Variants in TASP1 observed in about 807,000 individuals in gnomAD.
TASP1 encodes taspase 1.
In TASP1, 16 loss-of-function variants were observed where a neutral mutation model predicts 56.6. The observed-to-expected ratio is 0.28, with a 90% CI of 0.19 to 0.43. The LOEUF (loss-of-function observed/expected upper bound fraction) is 0.43, where lower values mean the gene tolerates loss of function less well. TASP1 is among the 20% of genes least tolerant of loss of function. The pLI, the probability that TASP1 is intolerant of heterozygous loss-of-function variation, is 1.00. For synonymous variants in TASP1, 179 were observed against 184.2 expected (o/e 0.97, Z 0.23); for missense variants, 393 against 511.6 (o/e 0.77, Z 2.24).
chr20:13,155,704 T>G, the TASP1 span, among the ~76,000 whole-genome samples: 5,845 of 152,152 alleles, frequency 0.038, 163 homozygotes, highest in African/African-American at 0.081. Flanking sequence ...TGGGTGCCTG[T>G]AGTCCCAGCT....
At chr20:13,525,750 A>G (rs746255353) in intron 10 of TASP1, among the ~76,000 whole-genome samples, 3 of 152,256 alleles carry the variant, frequency 2.0e-5, no homozygotes, top group Non-Finnish European at 4.4e-5. Context: ...TCCATTGTCA[A>G]CTTCATAGCA....
the TASP1 span, among the ~76,000 whole-genome samples, chr20:13,131,231 T>A: frequency 6.6e-6 from 1 of 152,188 alleles, no homozygotes; most frequent in Non-Finnish European, 1.5e-5. Context: ...CCAGTCTTGA[T>A]CTTACCTTAC....
intron 12 of TASP1, among the ~76,000 whole-genome samples, chr20:13,421,108 CT>C (rs34805037): frequency 0.56 from 68,877 of 123,400 alleles, 20,123 homozygotes; most frequent in Non-Finnish European, 0.67. Flanking sequence ...CGTTTTCCTT[CT>C]TTTTTTTTTT....
chr20:13,519,666 T>C (rs1395631806), intron 10 of TASP1, among the ~76,000 whole-genome samples: 2 of 152,090 alleles, frequency 1.3e-5, no homozygotes, highest in East Asian at 1.9e-4. Flanking sequence ...GCCAATATCG[T>C]ACTGAATGGG....
chr20:13,221,257 TC>T, the TASP1 span, among the ~76,000 whole-genome samples: 68 of 117,454 alleles, frequency 5.8e-4, 2 homozygotes, highest in African/African-American at 2.1e-3. Flanking sequence ...CTCCTCCTCC[TC>T]CTCCTTCTCC....
At chr20:13,290,588 G>A in the TASP1 span, among the ~76,000 whole-genome samples, 5 of 152,192 alleles carry the variant, frequency 3.3e-5, no homozygotes, top group Non-Finnish European at 5.9e-5. Flanking sequence ...GGCGGAGCTT[G>A]CAGTGAGCCA....
chr20:13,502,892 G>T (rs77592455), intron 10 of TASP1, among the ~76,000 whole-genome samples: 1,560 of 152,270 alleles, frequency 0.01, 28 homozygotes, highest in African/African-American at 0.035. Flanking sequence ...CTAAGAAGAG[G>T]ATGGGTAAGA....
the TASP1 span, among the ~76,000 whole-genome samples, chr20:13,190,785 G>A: frequency 6.6e-6 from 1 of 151,784 alleles, no homozygotes; most frequent in African/African-American, 2.4e-5. Flanking sequence ...CAACCAACAG[G>A]GTGAAGCTAC....
At chr20:13,110,283 G>GTGAGC in the TASP1 span, 1 of 1,353,812 alleles carries the variant, frequency 7.4e-7, no homozygotes, top group Non-Finnish European at 1.0e-6. Context: ...GTGCGGAAAG[G>GTGAGC]CTCACCTTTC....
the TASP1 span, chr20:13,167,820 T>G: frequency 1.3e-5 from 2 of 152,224 alleles, no homozygotes; most frequent in East Asian, 3.9e-4. Context: ...CCCAGGAATC[T>G]ACATTTTTAA....
chr20:13,234,038 G>A, the TASP1 span, among the ~76,000 whole-genome samples: 1 of 152,162 alleles, frequency 6.6e-6, no homozygotes, highest in Admixed American at 6.5e-5. Context: ...GTGTAGTAGT[G>A]AAGTCTGGGC....
the TASP1 span, among the ~76,000 whole-genome samples, chr20:13,276,380 C>T: frequency 6.6e-5 from 10 of 152,296 alleles, no homozygotes; most frequent in African/African-American, 2.4e-4. Context: ...GAGTTTGCTT[C>T]TAGTCAATGT....
chr20:13,380,424 T>C, the TASP1 span, among the ~76,000 whole-genome samples: 1 of 152,212 alleles, frequency 6.6e-6, no homozygotes, highest in South Asian at 2.1e-4. Flanking sequence ...CAGCAAAGAC[T>C]ACAGCCTGTT....
intron 7 of TASP1, among the ~76,000 whole-genome samples, chr20:13,564,766 C>T (rs6134912): frequency 1.3e-5 from 2 of 151,572 alleles, no homozygotes; most frequent in East Asian, 3.9e-4. Context: ...CTTTGGAGGC[C>T]GAGGCAGGCA....
At chr20:13,620,109 G>A (rs1410993114) in intron 4 of TASP1, among the ~76,000 whole-genome samples, 3 of 151,976 alleles carry the variant, frequency 2.0e-5, no homozygotes, top group Non-Finnish European at 4.4e-5. Context: ...TCATTCTGGT[G>A]TCCAGAAGTG....
the TASP1 span, among the ~76,000 whole-genome samples, chr20:13,274,473 C>A: frequency 6.6e-6 from 1 of 152,154 alleles, no homozygotes; most frequent in Non-Finnish European, 1.5e-5. Context: ...TGCCTTTGCC[C>A]CCATCTGGTT....
the TASP1 span, chr20:13,126,524 A>G: frequency 6.3e-7 from 1 of 1,581,032 alleles, no homozygotes. Context: ...ATGGGACTAG[A>G]TGTAATTCCC....
At chr20:13,311,119 G>T in the TASP1 span, among the ~76,000 whole-genome samples, 1 of 151,974 alleles carries the variant, frequency 6.6e-6, no homozygotes, top group South Asian at 2.1e-4. Context: ...ACTTGAACCC[G>T]GGAAGCGGAG....
chr20:13,568,641 T>C (rs1280346103), intron 7 of TASP1, among the ~76,000 whole-genome samples: 1 of 152,164 alleles, frequency 6.6e-6, no homozygotes, highest in Non-Finnish European at 1.5e-5. Context: ...ATTCCTGTGT[T>C]GGGTATAAGA....
Sources: gnomAD v4.1 joint callset for allele counts (sites outside exome capture counted in the v4.1 genomes callset) on GRCh38, gnomAD v4.1.1 for gene constraint, MANE v1.5 for transcripts, NCBI Gene and HGNC (gene_info 2026-07-23, HGNC 2026-07-21) for gene names.